The following SMCO4 variants were observed in gnomAD, a reference collection of about 807,000 sequenced individuals.
The protein encoded by SMCO4 is single-pass membrane protein with coiled-coil domains 4.
In SMCO4, 4 loss-of-function variants were observed where a neutral mutation model predicts 3.6. The ratio of observed to expected loss-of-function variants is 1.11; its 90% CI spans 0.54 to 2.53. The LOEUF is 2.53. Among genes scored for constraint, SMCO4 ranks in the 30% most tolerant of loss-of-function variants. The pLI is 0.02. For synonymous variants in SMCO4, 36 were observed against 35.3 expected (o/e 1.02, Z -0.07); for missense variants, 70 against 80.8 (o/e 0.87, Z 0.51).
intron 1 of SMCO4, among the ~76,000 whole-genome samples, chr11:93,534,397 T>TCC (rs1949199505): frequency 2.3e-5 from 2 of 85,326 alleles, no homozygotes; most frequent in African/African-American, 3.5e-5. Context: ...GAGAGAGAGA[T>TCC]ACATATATAT....
Position 93,506,565 on chromosome 11 carries a change from A to G in SMCO4, c.-153-7217T>C, listed in dbSNP as rs192024804. Among the ~76,000 whole-genome samples, 421 of 151,980 alleles carry G rather than the reference A, an allele frequency of 2.8e-3. 1 individual carries two copies. Among genetic ancestry groups the G allele is most frequent in the African/African-American group, 9.4e-3 (391 of 41,442 alleles). On this transcript the variant is annotated intron_variant, in intron 1 of 2. Transcript: ENST00000298966. The stretch of plus-strand genomic sequence containing the variant: ...ACCATTCTCCTGCCTCAGCCTCCAG[A>G]GTAGCTGGGACTACGGGTGCCCGCC...
upstream of SMCO4, among the ~76,000 whole-genome samples, chr11:93,545,588 C>CAAAAAAAAAAAAAAAAAAAAA (rs143549634): frequency 1.2e-5 from 1 of 85,974 alleles, no homozygotes; most frequent in Non-Finnish European, 2.2e-5. Context: ...AACTCTGTCT[C>CAAAAAAAAAAAAAAAAAAAAA]AAAAAAAAAA....
chr11:93,531,677 G>A (rs1339930751), intron 1 of SMCO4, among the ~76,000 whole-genome samples: 3 of 152,194 alleles, frequency 2.0e-5, no homozygotes, highest in African/African-American at 7.2e-5. Flanking sequence ...AAATGGTTAA[G>A]ATGGTAAATT....
intron 1 of SMCO4, among the ~76,000 whole-genome samples, chr11:93,516,790 A>G (rs1027687762): frequency 2.0e-5 from 3 of 151,978 alleles, no homozygotes; most frequent in African/African-American, 7.2e-5. Flanking sequence ...ACTCTGTCAA[A>G]AAAAAGAAAA....
chr11:93,525,160 C>T (rs1209590755), intron 1 of SMCO4, among the ~76,000 whole-genome samples: 1 of 152,204 alleles, frequency 6.6e-6, no homozygotes, highest in Non-Finnish European at 1.5e-5. Context: ...TCCCAGGGCT[C>T]CTGAGACCAC....
At chr11:93,536,184 A>G (rs1421820136) in intron 1 of SMCO4, among the ~76,000 whole-genome samples, 1 of 152,194 alleles carries the variant, frequency 6.6e-6, no homozygotes, top group Non-Finnish European at 1.5e-5. Flanking sequence ...CTACTGAACA[A>G]TGATCCATTT....
the SMCO4 span, among the ~76,000 whole-genome samples, chr11:93,549,623 A>ATTTT: frequency 1.1e-5 from 1 of 90,652 alleles, no homozygotes; most frequent in Admixed American, 1.3e-4. Flanking sequence ...TAATTTATTT[A>ATTTT]TTTTTTTTTT....
rs1949204538 is a variant in SMCO4 at position 93,534,854 on chromosome 11, C to G, written c.-154+8422G>C. 6.6e-5 allele frequency among the ~76,000 whole-genome samples: 10 copies of G among 152,212 alleles called. No individual in the cohort carries two copies. In the South Asian group the frequency reaches 1.9e-3, roughly 28 times the overall value. On this transcript the variant is annotated intron_variant, in intron 1 of 2. Coordinates refer to ENST00000298966, the MANE Select transcript of SMCO4 (RefSeq NM_020179.3). Reference sequence around the variant, plus strand: ...CCTTCTCTGCCAGCCCATTGTGTCACACCCCTCAAACACCTTCTAAGAAGT... The same window carrying G: ...CCTTCTCTGCCAGCCCATTGTGTCAGACCCCTCAAACACCTTCTAAGAAGT...
At chr11:93,514,454 T>C (rs1948991422) in intron 1 of SMCO4, among the ~76,000 whole-genome samples, 2 of 144,848 alleles carry the variant, frequency 1.4e-5, no homozygotes, top group South Asian at 2.2e-4. Flanking sequence ...TCACCCTAAG[T>C]GTGTAATTCC....
At chr11:93,486,907 TC>T (rs1291289172) in intron 2 of SMCO4, among the ~76,000 whole-genome samples, 1 of 152,126 alleles carries the variant, frequency 6.6e-6, no homozygotes, top group Non-Finnish European at 1.5e-5. Context: ...TTGAAGGCGC[TC>T]CCTAAGAAGT....
the SMCO4 span, among the ~76,000 whole-genome samples, chr11:93,549,351 C>T: frequency 6.6e-6 from 1 of 152,226 alleles, no homozygotes; most frequent in Non-Finnish European, 1.5e-5. Context: ...CCTCTTTGGT[C>T]ATAGTTCAGG....
At position 93,534,375 on chromosome 11, in the gene SMCO4, T is replaced by TATAGAG. The variant is rs369643237; in HGVS notation, c.-154+8900_-154+8901insCTCTAT. On this transcript the variant is annotated intron_variant, in intron 1 of 2. Coordinates refer to ENST00000298966, the MANE Select transcript of SMCO4 (RefSeq NM_020179.3). ...ACACATACATATATATATATATATA[T>TATAGAG]AGAGAGAGAGAGAGAGAGAGATACA... Among the ~76,000 whole-genome samples the TATAGAG allele has an allele frequency of 6.4e-3, 909 of 142,126 alleles. 8 individuals are homozygous for TATAGAG. The highest frequency in any genetic ancestry group is 0.016 in the Admixed American group (230 of 14,018). The allele number at this position is 142,126 out of a possible 152,430, so 93.2% of individuals were successfully genotyped here.
chr11:93,552,860 A>G, the SMCO4 span, among the ~76,000 whole-genome samples: 2 of 152,032 alleles, frequency 1.3e-5, no homozygotes, highest in South Asian at 4.2e-4. Context: ...ATAGTGCCTC[A>G]AATTCCTTTT....
intron 1 of SMCO4, among the ~76,000 whole-genome samples, chr11:93,500,415 C>T (rs1228651791): frequency 1.3e-5 from 2 of 152,238 alleles, no homozygotes; most frequent in East Asian, 1.9e-4. Flanking sequence ...GATGTATGCC[C>T]GACCTCTATC....
At chr11:93,494,275 C>T (rs1565376030) in intron 2 of SMCO4, among the ~76,000 whole-genome samples, 1 of 152,224 alleles carries the variant, frequency 6.6e-6, no homozygotes, top group Admixed American at 6.5e-5. Context: ...AATTTCATAC[C>T]TGTTTTAAAG....
Position 93,534,159 on chromosome 11 carries a change from C to A in SMCO4, c.-154+9117G>T, listed in dbSNP as rs1246047720. Reference sequence around the variant, plus strand: ...TGAGCTAAGATCGCGGCACAGCACTCCAGCCTGGGCGACAAAATGAGACTC... The same window carrying A: ...TGAGCTAAGATCGCGGCACAGCACTACAGCCTGGGCGACAAAATGAGACTC... On this transcript the variant is annotated intron_variant, in intron 1 of 2. Coordinates refer to ENST00000298966, the MANE Select transcript of SMCO4 (RefSeq NM_020179.3). Among the ~76,000 whole-genome samples, 11 of 148,654 alleles carry A rather than the reference C, an allele frequency of 7.4e-5. No homozygotes were observed. The Admixed American group carries it at 7.4e-4, about 10-fold the overall frequency.
At chr11:93,508,684 A>G (rs1322481209) in intron 1 of SMCO4, among the ~76,000 whole-genome samples, 1 of 152,226 alleles carries the variant, frequency 6.6e-6, no homozygotes, top group Non-Finnish European at 1.5e-5. Flanking sequence ...GTCAGCAAAG[A>G]GCAATAAACT....
intron 2 of SMCO4, among the ~76,000 whole-genome samples, chr11:93,480,222 T>A (rs958082523): frequency 6.6e-6 from 1 of 152,038 alleles, no homozygotes; most frequent in African/African-American, 2.4e-5. Flanking sequence ...GCTCAGAAAA[T>A]GGGCAGGACA....
At chr11:93,545,024 G>A (rs927067281), upstream of SMCO4, among the ~76,000 whole-genome samples, 8 of 152,210 alleles carry the variant, frequency 5.3e-5, no homozygotes, top group African/African-American at 1.9e-4. Flanking sequence ...GGGATTGGGA[G>A]CATATGGGAT....
Sources: gnomAD v4.1 joint callset for allele counts (sites outside exome capture counted in the v4.1 genomes callset) on GRCh38, gnomAD v4.1.1 for gene constraint, MANE v1.5 for transcripts, NCBI Gene and HGNC (gene_info 2026-07-23, HGNC 2026-07-21) for gene names.